The following CRIM1 variants were observed in gnomAD, a reference collection of about 807,000 sequenced individuals.
CRIM1 encodes cysteine rich transmembrane BMP regulator 1.
A neutral mutation model predicts 116.4 loss-of-function variants in CRIM1; 32 were observed. The observed-to-expected ratio is 0.27, with a 90% CI of 0.21 to 0.37. The LOEUF is 0.37. Among genes scored for constraint, CRIM1 ranks in the 10% least tolerant of loss-of-function variants. The pLI is 1.00. For synonymous variants in CRIM1, 590 were observed against 509.2 expected, an observed-to-expected ratio of 1.16 and a Z score of -2.13; for missense variants, 1,331 against 1,354.8, an observed-to-expected ratio of 0.98 and a Z score of 0.28.
intron 7 of CRIM1, among the ~76,000 whole-genome samples, chr2:36,481,999 T>G (rs957332850): frequency 1.3e-5 from 2 of 152,216 alleles, no homozygotes; most frequent in Non-Finnish European, 1.5e-5. Context: ...CCTCGCAGTT[T>G]GAAGACCTCA....
intron 1 of CRIM1, among the ~76,000 whole-genome samples, chr2:36,388,683 AGATGGCCCCTAG>A (rs796949322): frequency 2.7e-4 from 41 of 152,302 alleles, no homozygotes; most frequent in African/African-American, 9.1e-4. Flanking sequence ...ATGCAGTTTA[AGATGGCCCCTAG>A]GTTAGGCAGA....
At chr2:36,367,118 G>T (rs1553365270) in intron 1 of CRIM1, among the ~76,000 whole-genome samples, 1 of 152,192 alleles carries the variant, frequency 6.6e-6, no homozygotes, top group Non-Finnish European at 1.5e-5. Context: ...AGACAGTTTT[G>T]TCTGTGGAAG....
intron 1 of CRIM1, among the ~76,000 whole-genome samples, chr2:36,369,520 C>G (rs9308991): frequency 0.2 from 30,128 of 152,130 alleles, 3,622 homozygotes; most frequent in Non-Finnish European, 0.27. Context: ...ATAACAGTGT[C>G]TGCATTAACG....
At chr2:36,470,194 G>T (rs546440967) in intron 5 of CRIM1, among the ~76,000 whole-genome samples, 58 of 152,336 alleles carry the variant, frequency 3.8e-4, no homozygotes, top group Middle Eastern at 3.4e-3. Flanking sequence ...TGAATGAACA[G>T]ATGGAGAGAA....
At chr2:36,503,794 T>C (rs1233886755) in intron 8 of CRIM1, among the ~76,000 whole-genome samples, 2 of 152,146 alleles carry the variant, frequency 1.3e-5, no homozygotes, top group Non-Finnish European at 2.9e-5. Flanking sequence ...CTGCATCCCA[T>C]CAAAACCTTT....
intron 8 of CRIM1, among the ~76,000 whole-genome samples, chr2:36,501,891 G>A (rs1045658887): frequency 6.6e-6 from 1 of 152,176 alleles, no homozygotes; most frequent in Non-Finnish European, 1.5e-5. Context: ...AGAAAGCCAA[G>A]TTCACTAGAG....
intron 2 of CRIM1, among the ~76,000 whole-genome samples, chr2:36,433,893 G>T (rs1057237059): frequency 1.3e-5 from 2 of 152,028 alleles, no homozygotes; most frequent in Non-Finnish European, 2.9e-5. Context: ...CAAAGATTCC[G>T]TCGCTGTTAA....
chr2:36,472,933 A>G (rs562569475), intron 5 of CRIM1, among the ~76,000 whole-genome samples: 5 of 152,220 alleles, frequency 3.3e-5, no homozygotes, highest in African/African-American at 1.2e-4. Flanking sequence ...CTTTTTTAAC[A>G]TTAATTTTCT....
chr2:36,412,181 A>G (rs1673261622), intron 2 of CRIM1, among the ~76,000 whole-genome samples: 1 of 152,138 alleles, frequency 6.6e-6, no homozygotes, highest in South Asian at 2.1e-4. Flanking sequence ...ATGACGCCCA[A>G]CAGAATTATT....
rs555956143 is a variant in CRIM1, at chr2:36,549,879, T to C, written c.*1178T>C. ...TATATATTTATACACATACAATTTA[T>C]GTTTTCCTGTTGAATGTATTTTTAT... On this transcript the variant is annotated 3_prime_UTR_variant, in exon 17 of 17. Coordinates refer to ENST00000280527, the MANE Select transcript of CRIM1 (RefSeq NM_016441.3). 94 of 152,246 alleles carry C rather than the reference T, an allele frequency of 6.2e-4. No homozygotes were observed. Among genetic ancestry groups the C allele is most frequent in the Non-Finnish European group, 1.1e-3 (72 of 67,928 alleles). 9.4% of individuals were successfully genotyped at this position (152,246 alleles called of 1,614,324 possible). A position where few individuals can be genotyped will look rare whatever the true frequency, so the allele number is the denominator to read the frequency against.
chr2:36,407,157 A>T (rs1672869823), intron 2 of CRIM1, among the ~76,000 whole-genome samples: 1 of 151,658 alleles, frequency 6.6e-6, no homozygotes. Flanking sequence ...ATTTTATCCC[A>T]CTCTGTTTGT....
intron 8 of CRIM1, among the ~76,000 whole-genome samples, chr2:36,506,196 CACA>C (rs1158382725): frequency 6.6e-6 from 1 of 150,956 alleles, no homozygotes. Flanking sequence ...CACACACACA[CACA>C]CACACACACA....
intron 8 of CRIM1, among the ~76,000 whole-genome samples, chr2:36,500,220 A>G (rs138998757): frequency 6.6e-6 from 1 of 152,206 alleles, no homozygotes; most frequent in Non-Finnish European, 1.5e-5. Context: ...GGTCCCAGCT[A>G]CTCGGGAGGC....
intron 7 of CRIM1, among the ~76,000 whole-genome samples, chr2:36,488,473 G>C (rs1000746823): frequency 1.3e-5 from 2 of 152,180 alleles, no homozygotes; most frequent in Non-Finnish European, 2.9e-5. Flanking sequence ...GCCAGATCTT[G>C]GTCCAGGGGT....
chr2:36,441,483 T>A lies in CRIM1; in HGVS notation c.731T>A (p.Leu244His), dbSNP rs1418671911. Residue 244 changes from leucine to histidine, a missense_variant, in exon 3 of 17, where the codon CTC becomes CAC. This residue lies in a region of CRIM1 where 690 missense variants were observed against 676.0 expected (regional missense o/e 1.02). Transcript: ENST00000280527. Reference sequence around the variant, plus strand: ...GGGAAGCCGGGAGAGTGCTGTGACCTCTATGAGTGCAAACCAGGTATGCAC... The same window carrying A: ...GGGAAGCCGGGAGAGTGCTGTGACCACTATGAGTGCAAACCAGGTATGCAC... ...ASGKPGECCDLYECKPVFGVD... is the reference protein window; with the variant it reads ...ASGKPGECCDHYECKPVFGVD... 1 of 1,611,392 alleles carries A rather than the reference T, an allele frequency of 6.2e-7. No individual in the cohort carries two copies. The highest frequency in any genetic ancestry group is 1.1e-5 in the South Asian group (1 of 91,086).
intron 4 of CRIM1, among the ~76,000 whole-genome samples, chr2:36,457,764 A>G (rs3770873): frequency 0.073 from 11,057 of 152,194 alleles, 707 homozygotes; most frequent in East Asian, 0.33. Flanking sequence ...TTTAAAAAAA[A>G]AAAAACTTAC....
intron 2 of CRIM1, among the ~76,000 whole-genome samples, chr2:36,411,996 C>T (rs546850707): frequency 1.8e-4 from 28 of 152,260 alleles, no homozygotes; most frequent in African/African-American, 6.7e-4. Flanking sequence ...ATCTGCTTCC[C>T]GCACACTAGT....
At chr2:36,427,427 G>T (rs1674542542) in intron 2 of CRIM1, among the ~76,000 whole-genome samples, 1 of 152,158 alleles carries the variant, frequency 6.6e-6, no homozygotes, top group Admixed American at 6.5e-5. Flanking sequence ...AACAAGAGCA[G>T]AGAAGCACTG....
chr2:36,359,308 A>G (rs1035352179), intron 1 of CRIM1, among the ~76,000 whole-genome samples: 1 of 152,218 alleles, frequency 6.6e-6, no homozygotes, highest in Non-Finnish European at 1.5e-5. Context: ...AAATATTATC[A>G]TGACTAATCT....
Sources: allele counts gnomAD v4.1 joint callset (sites outside exome capture counted in the v4.1 genomes callset), GRCh38; gene constraint gnomAD v4.1.1; regional missense constraint gnomAD v4.1.1; transcripts MANE v1.5; gene names NCBI Gene and HGNC (gene_info 2026-07-23, HGNC 2026-07-21).